Variants in CAST observed in about 807,000 individuals in gnomAD.
CAST encodes calpastatin.
A neutral mutation model predicts 119.6 loss-of-function variants in CAST; 76 were observed. That is an observed-to-expected ratio of 0.64 (90% CI 0.53 to 0.77). CAST has a LOEUF of 0.77. Ranked by LOEUF, CAST falls within the 30% of genes least tolerant of loss-of-function variation. The pLI, the probability that CAST is intolerant of heterozygous loss-of-function variation, is 0.00. For missense variants in CAST, 953 were observed against 946.5 expected (o/e 1.01, Z -0.09); for synonymous variants, 319 against 331.6 (o/e 0.96, Z 0.41).
At chr5:95,964,668 CATGATG>C in the CAST span, among the ~76,000 whole-genome samples, 1 of 152,132 alleles carries the variant, frequency 6.6e-6, no homozygotes, top group Non-Finnish European at 1.5e-5. Flanking sequence ...AAATGATCTT[CATGATG>C]ATTCCAGGTG....
At chr5:96,767,701 C>T (rs1006757857) in intron 28 of CAST, among the ~76,000 whole-genome samples, 6 of 152,146 alleles carry the variant, frequency 3.9e-5, no homozygotes, top group South Asian at 2.1e-4. Context: ...TGCTAAGCAA[C>T]GTGTATTAAA....
At chr5:96,609,733 T>G (rs1747325519) in intron 1 of CAST, among the ~76,000 whole-genome samples, 2 of 152,230 alleles carry the variant, frequency 1.3e-5, no homozygotes, top group Non-Finnish European at 2.9e-5. Flanking sequence ...ATGTAACTAT[T>G]CTTAATTACT....
At chr5:96,405,941 G>A in the CAST span, among the ~76,000 whole-genome samples, 1 of 152,136 alleles carries the variant, frequency 6.6e-6, no homozygotes, top group African/African-American at 2.4e-5. Context: ...TTTTAAGATT[G>A]CTTTCTTTTA....
intron 1 of CAST, among the ~76,000 whole-genome samples, chr5:96,630,506 G>A (rs1747801522): frequency 6.6e-6 from 1 of 152,168 alleles, no homozygotes; most frequent in South Asian, 2.1e-4. Context: ...CTCCCTTGAG[G>A]CCAGGTGCGG....
chr5:96,084,796 C>T, the CAST span, among the ~76,000 whole-genome samples: 5 of 152,116 alleles, frequency 3.3e-5, no homozygotes, highest in African/African-American at 1.2e-4. Context: ...GATCTCCAGC[C>T]CTTGGCTAGA....
chr5:96,021,149 G>T, the CAST span, among the ~76,000 whole-genome samples: 2 of 152,036 alleles, frequency 1.3e-5, no homozygotes, highest in African/African-American at 4.8e-5. Flanking sequence ...TATAGTAGAG[G>T]GAAGCAATGT....
the CAST span, among the ~76,000 whole-genome samples, chr5:96,233,064 T>C: frequency 2.0e-5 from 3 of 152,050 alleles, no homozygotes; most frequent in African/African-American, 7.2e-5. Flanking sequence ...TAACTGTGGG[T>C]TATTACTATT....
At chr5:96,557,138 A>C (rs1170202967) in intron 1 of CAST, among the ~76,000 whole-genome samples, 5 of 152,110 alleles carry the variant, frequency 3.3e-5, no homozygotes, top group African/African-American at 9.6e-5. Flanking sequence ...GAAATAAAAT[A>C]CTTTACAGAC....
chr5:96,380,856 A>G, the CAST span, among the ~76,000 whole-genome samples: 81 of 152,230 alleles, frequency 5.3e-4, no homozygotes, highest in African/African-American at 1.8e-3. Context: ...TGGGGGTTAC[A>G]AAATTACGCG....
chr5:96,634,031 T>C (rs1367634437), intron 1 of CAST, among the ~76,000 whole-genome samples: 1 of 152,228 alleles, frequency 6.6e-6, no homozygotes, highest in African/African-American at 2.4e-5. Flanking sequence ...TTCCTCAATA[T>C]GTCTCTGGGT....
At chr5:96,248,453 C>T in the CAST span, among the ~76,000 whole-genome samples, 1 of 152,134 alleles carries the variant, frequency 6.6e-6, no homozygotes, top group African/African-American at 2.4e-5. Flanking sequence ...GCAGTAATTT[C>T]AAAGTTCTGC....
intron 1 of CAST, among the ~76,000 whole-genome samples, chr5:96,558,293 G>T (rs1047535710): frequency 6.6e-6 from 1 of 151,136 alleles, no homozygotes; most frequent in African/African-American, 2.4e-5. Context: ...ACAATTAAAA[G>T]AACTAGAGAA....
intron 1 of CAST, among the ~76,000 whole-genome samples, chr5:96,618,654 G>T (rs1381061850): frequency 6.6e-6 from 1 of 152,248 alleles, no homozygotes; most frequent in Non-Finnish European, 1.5e-5. Flanking sequence ...TGGGCCAGCA[G>T]CTGTGGAGGG....
chr5:96,679,021 A>G (rs551176632), intron 2 of CAST, among the ~76,000 whole-genome samples: 3 of 151,972 alleles, frequency 2.0e-5, no homozygotes, highest in African/African-American at 7.2e-5. Flanking sequence ...ATTTTTTGAG[A>G]TGAGGTCTTA....
chr5:96,098,246 T>C, the CAST span, among the ~76,000 whole-genome samples: 1 of 152,222 alleles, frequency 6.6e-6, no homozygotes, highest in African/African-American at 2.4e-5. Context: ...ATGCATAGTT[T>C]GCAAATATTT....
chr5:96,705,331 A>ATC (rs570136830), intron 3 of CAST, among the ~76,000 whole-genome samples: 2 of 151,952 alleles, frequency 1.3e-5, no homozygotes, highest in Admixed American at 6.6e-5. Flanking sequence ...AAATATATAT[A>ATC]TAAAGAAAAA....
At chr5:96,109,715 G>C in the CAST span, among the ~76,000 whole-genome samples, 1 of 152,186 alleles carries the variant, frequency 6.6e-6, no homozygotes, top group Non-Finnish European at 1.5e-5. Context: ...TTGTCTGGTG[G>C]GTGGAGGATT....
chr5:96,609,099 C>G lies in CAST; in HGVS notation c.61-66440C>G, dbSNP rs143115143. 4.6e-5 allele frequency among the ~76,000 whole-genome samples: 7 copies of G among 152,328 alleles called. No individual in the cohort carries two copies. In the East Asian group the frequency reaches 1.3e-3, roughly 29 times the overall value. ...CTGTCCAGCCTCAGACAGACATCAC[C>G]CTTCTTATTGATCCTTGTAACCAAA... On this transcript the variant is annotated intron_variant, in intron 1 of 11. Coordinates refer to the CAST transcript ENST00000505143.
chr5:96,761,152 T>C (rs1163792143), intron 24 of CAST: 1 of 152,208 alleles, frequency 6.6e-6, no homozygotes, highest in Non-Finnish European at 1.5e-5. Flanking sequence ...CATATGCACA[T>C]ATAGCTTTGC....
Sources: gnomAD v4.1 joint callset for allele counts (sites outside exome capture counted in the v4.1 genomes callset) on GRCh38, gnomAD v4.1.1 for gene constraint, MANE v1.5 for transcripts, NCBI Gene and HGNC (gene_info 2026-07-23, HGNC 2026-07-21) for gene names.